FAF1: variants seen among roughly 807,000 people sequenced by gnomAD.
FAF1 encodes Fas associated factor 1, also known as FAS-associated factor 1.
Under a neutral mutation model 92.5 loss-of-function variants are expected in FAF1, and 25 were observed. The observed-to-expected ratio is 0.27, with a 90% CI of 0.20 to 0.38. The LOEUF is 0.38. Ranked by LOEUF, FAF1 falls within the 10% of genes least tolerant of loss-of-function variation. The pLI is 1.00. For synonymous variants in FAF1, 234 were observed against 273.2 expected, an observed-to-expected ratio of 0.86 and a Z score of 1.42; for missense variants, 636 against 793.3, an observed-to-expected ratio of 0.80 and a Z score of 2.38.
At chr1:50,570,931 A>T (rs1650408162) in intron 12 of FAF1, among the ~76,000 whole-genome samples, 1 of 152,196 alleles carries the variant, frequency 6.6e-6, no homozygotes, top group Non-Finnish European at 1.5e-5. Context: ...TAATCAGAAA[A>T]CTGCTTTCGT....
chr1:50,621,391 CTTTTTTTTT>C (rs36053834), intron 8 of FAF1, among the ~76,000 whole-genome samples: 8 of 89,216 alleles, frequency 9.0e-5, no homozygotes, highest in African/African-American at 2.3e-4. Flanking sequence ...TTCTTTTTTT[CTTTTTTTTT>C]TTTTTTTTTT....
chr1:50,817,716 C>G (rs1246521868), intron 2 of FAF1, among the ~76,000 whole-genome samples: 1 of 152,058 alleles, frequency 6.6e-6, no homozygotes, highest in Non-Finnish European at 1.5e-5. Context: ...TACTAACAGG[C>G]ACAGGGTTTC....
chr1:50,760,558 G>C (rs961128370), intron 4 of FAF1, among the ~76,000 whole-genome samples: 1 of 152,132 alleles, frequency 6.6e-6, no homozygotes, highest in African/African-American at 2.4e-5. Flanking sequence ...CAACTACATG[G>C]AAACTGAACA....
chr1:50,887,223 GGTT>G (rs1351929245), intron 1 of FAF1, among the ~76,000 whole-genome samples: 3 of 152,056 alleles, frequency 2.0e-5, no homozygotes, highest in Admixed American at 6.6e-5. Context: ...TTGTTGATGG[GGTT>G]GTTGTTTTCT....
At chr1:50,855,103 G>GA (rs1644380485) in intron 2 of FAF1, among the ~76,000 whole-genome samples, 1 of 151,832 alleles carries the variant, frequency 6.6e-6, no homozygotes, top group Non-Finnish European at 1.5e-5. Flanking sequence ...ACCAAAATCT[G>GA]AAAAAATCCA....
At chr1:50,542,388 A>G (rs1174321951) in intron 13 of FAF1, among the ~76,000 whole-genome samples, 2 of 152,200 alleles carry the variant, frequency 1.3e-5, no homozygotes, top group Non-Finnish European at 2.9e-5. Context: ...CTTCCTCCCA[A>G]GATCATTTAT....
At chr1:50,745,566 C>T (rs930949783) in intron 4 of FAF1, among the ~76,000 whole-genome samples, 2 of 152,020 alleles carry the variant, frequency 1.3e-5, no homozygotes, top group Non-Finnish European at 2.9e-5. Context: ...CTCAGGAGAT[C>T]TGGTTGTTTA....
intron 18 of FAF1, among the ~76,000 whole-genome samples, chr1:50,447,464 T>C (rs546231484): frequency 2.0e-5 from 3 of 152,296 alleles, no homozygotes; most frequent in African/African-American, 7.2e-5. Context: ...TTGAGAAAGT[T>C]CCAGCATCTT....
At chr1:50,616,179 T>C (rs1652905053) in intron 8 of FAF1, among the ~76,000 whole-genome samples, 1 of 152,220 alleles carries the variant, frequency 6.6e-6, no homozygotes, top group South Asian at 2.1e-4. Context: ...AGTGACTTTA[T>C]TTCTGAGTCT....
At chr1:50,760,640 G>C (rs553805883) in intron 4 of FAF1, among the ~76,000 whole-genome samples, 70 of 152,208 alleles carry the variant, frequency 4.6e-4, no homozygotes, top group African/African-American at 1.6e-3. Context: ...TGAAACCAAC[G>C]AGAACAAAGA....
At position 50,796,633 on chromosome 1, in the gene FAF1, C is replaced by G. The variant is rs567336025; in HGVS notation, c.161+4998G>C. On this transcript the variant is annotated intron_variant, in intron 3 of 18. Coordinates refer to ENST00000396153, the MANE Select transcript of FAF1 (RefSeq NM_007051.3). Reference sequence around the variant, plus strand: ...GGGAATCATGACCTCTACATCCCTACCCTTCTCACTGAAGCTATGAGTCTG... The same window carrying G: ...GGGAATCATGACCTCTACATCCCTAGCCTTCTCACTGAAGCTATGAGTCTG... Among the ~76,000 whole-genome samples the G allele has an allele frequency of 2.0e-5, 3 of 152,236 alleles. No homozygotes were observed. In the South Asian group the frequency reaches 6.2e-4, roughly 32 times the overall value.
intron 2 of FAF1, among the ~76,000 whole-genome samples, chr1:50,845,709 T>A (rs1474541927): frequency 6.6e-6 from 1 of 152,066 alleles, no homozygotes; most frequent in Non-Finnish European, 1.5e-5. Context: ...TTCAACAATA[T>A]GTGAATCCCT....
chr1:50,955,547 G>A (rs1438008057), intron 1 of FAF1, among the ~76,000 whole-genome samples: 1 of 152,060 alleles, frequency 6.6e-6, no homozygotes, highest in African/African-American at 2.4e-5. Context: ...CAAAATTTTG[G>A]TGGTGCAGCC....
chr1:50,572,434 C>CA (rs1337232999), intron 12 of FAF1, among the ~76,000 whole-genome samples: 1 of 152,120 alleles, frequency 6.6e-6, no homozygotes, highest in Non-Finnish European at 1.5e-5. Context: ...CAAGTACTCC[C>CA]ACATGTCCTT....
chr1:50,734,591 G>A (rs1443094965), intron 6 of FAF1, among the ~76,000 whole-genome samples: 2 of 151,976 alleles, frequency 1.3e-5, no homozygotes, highest in African/African-American at 2.4e-5. Context: ...AAAATTAGCC[G>A]GGCGTATTGG....
At chr1:50,672,528 C>T (rs1026260586) in intron 7 of FAF1, among the ~76,000 whole-genome samples, 2 of 152,096 alleles carry the variant, frequency 1.3e-5, no homozygotes, top group Admixed American at 6.6e-5. Flanking sequence ...AACAATCTGC[C>T]TACCTCGACC....
intron 2 of FAF1, among the ~76,000 whole-genome samples, chr1:50,819,111 C>T (rs1644006029): frequency 6.6e-6 from 1 of 152,038 alleles, no homozygotes; most frequent in Non-Finnish European, 1.5e-5. Context: ...ACTAGGGATG[C>T]TCAACCCGTA....
chr1:50,858,170 T>C (rs752025770), intron 1 of FAF1, among the ~76,000 whole-genome samples, 173 bp from the exon 2 acceptor site: 15 of 151,844 alleles, frequency 9.9e-5, no homozygotes, highest in African/African-American at 2.4e-4. Flanking sequence ...GGTGTGAACA[T>C]TGTTAATTAC....
chr1:50,892,280 G>A (rs1178304172), intron 1 of FAF1, among the ~76,000 whole-genome samples: 1 of 152,200 alleles, frequency 6.6e-6, no homozygotes, highest in African/African-American at 2.4e-5. Context: ...GCTAGGAAAG[G>A]GAATTCCCTG....
Sources: gnomAD v4.1 joint callset for allele counts (sites outside exome capture counted in the v4.1 genomes callset) on GRCh38, gnomAD v4.1.1 for gene constraint, MANE v1.5 for transcripts, NCBI Gene and HGNC (gene_info 2026-07-23, HGNC 2026-07-21) for gene names.